GET1: variants seen among roughly 807,000 people sequenced by gnomAD.
The protein encoded by GET1 is congenital heart disease 5 protein.
Under a neutral mutation model 22.6 loss-of-function variants are expected in GET1, and 20 were observed. The observed-to-expected ratio is 0.89, with a 90% CI of 0.62 to 1.29. The LOEUF (loss-of-function observed/expected upper bound fraction) is 1.29, where lower values mean the gene tolerates loss of function less well. Ranked by LOEUF, GET1 falls within the 50% of genes most tolerant of loss-of-function variation. The pLI, the probability that GET1 is intolerant of heterozygous loss-of-function variation, is 0.00. For missense variants in GET1, 209 were observed against 219.9 expected, an observed-to-expected ratio of 0.95 and a Z score of 0.31; for synonymous variants, 92 against 83.8, an observed-to-expected ratio of 1.10 and a Z score of -0.53.
intron 1 of GET1, among the ~76,000 whole-genome samples, chr21:39,424,270 T>C (rs1397852224): frequency 1.3e-5 from 2 of 152,190 alleles, no homozygotes; most frequent in Non-Finnish European, 2.9e-5. Context: ...CTCCTTGGCC[T>C]CCCAAAGTGC....
chr21:39,416,982 CTG>C (rs1458690806), intron 1 of GET1, among the ~76,000 whole-genome samples: 1 of 152,206 alleles, frequency 6.6e-6, no homozygotes, highest in African/African-American at 2.4e-5. Context: ...AAAGGGCTAA[CTG>C]TATACACATT....
chr21:39,422,332 C>T (rs2073909188), intron 1 of GET1: 1 of 152,240 alleles, frequency 6.6e-6, no homozygotes, highest in Non-Finnish European at 1.5e-5. Context: ...GATATCAATG[C>T]CTTCTCCCAA....
At chr21:39,426,128 T>C (rs900608729) in intron 1 of GET1, 3 of 152,220 alleles carry the variant, frequency 2.0e-5, no homozygotes, top group African/African-American at 7.2e-5. Context: ...TATTCCCTTA[T>C]TCCCCAAACG....
At chr21:39,406,272 C>A (rs760935683) in exon 5 of GET1, 1 of 1,614,212 alleles carries the variant, frequency 6.2e-7, no homozygotes, top group African/African-American at 1.3e-5. Flanking sequence ...TGGCTGGCCC[C>A]CCTGAAGCAG....
chr21:39,406,589 A>G, exon 5 of GET1: 1 of 1,587,700 alleles, frequency 6.3e-7, no homozygotes, highest in South Asian at 1.2e-5. Flanking sequence ...TGGACTTCCA[A>G]ATGTTTCTCT....
chr21:39,392,874 A>G (rs1383684679), intron 3 of GET1: 3 of 307,162 alleles, frequency 9.8e-6, no homozygotes, highest in African/African-American at 2.1e-5. Flanking sequence ...GATTGTGTTC[A>G]TCCTAAAACA....
At chr21:39,412,555 G>A (rs2147236466) in intron 1 of GET1, among the ~76,000 whole-genome samples, 1 of 152,246 alleles carries the variant, frequency 6.6e-6, no homozygotes, top group South Asian at 2.1e-4. Context: ...TATGAAGTAA[G>A]GAGGAAGGAA....
chr21:39,417,556 A>C (rs985533054), intron 1 of GET1, among the ~76,000 whole-genome samples: 2 of 152,140 alleles, frequency 1.3e-5, no homozygotes, highest in East Asian at 3.9e-4. Flanking sequence ...GGATTGTATT[A>C]GTCCTTTTTC....
At chr21:39,422,973 G>A (rs372494952) in intron 1 of GET1, 9 of 1,612,612 alleles carry the variant, frequency 5.6e-6, no homozygotes, top group Non-Finnish European at 6.8e-6. Flanking sequence ...CTGAAATACA[G>A]ACCTGTATTT....
intron 4 of GET1, 133 bp from the exon 5 acceptor site, chr21:39,396,733 A>G: frequency 1.3e-6 from 1 of 750,980 alleles, no homozygotes. Context: ...CCTATGAAAC[A>G]TAAACTTCAC....
At chr21:39,415,377 A>AT (rs1158099063) in intron 1 of GET1, among the ~76,000 whole-genome samples, 1 of 152,134 alleles carries the variant, frequency 6.6e-6, no homozygotes, top group Admixed American at 6.5e-5. Context: ...TAAAATATAT[A>AT]AAAAAATAAA....
chr21:39,423,377 C>G (rs2074070136), intron 1 of GET1: 1 of 1,611,928 alleles, frequency 6.2e-7, no homozygotes, highest in African/African-American at 1.3e-5. Context: ...TGAAGCCTTG[C>G]TGAGAGTATT....
At chr21:39,394,075 A>G (rs193170307) in intron 4 of GET1, among the ~76,000 whole-genome samples, 17 of 152,180 alleles carry the variant, frequency 1.1e-4, no homozygotes, top group African/African-American at 4.1e-4. Context: ...CACGCCTGTA[A>G]TCCTAGCACT....
chr21:39,380,485 TC>T lies in GET1; in HGVS notation c.102del (p.Phe34LeufsTer16). The T allele has an allele frequency of 6.2e-7, 1 of 1,610,870 alleles. No homozygotes were observed. Among genetic ancestry groups the T allele is most frequent in the Non-Finnish European group, 8.5e-7 (1 of 1,178,468 alleles). ...LRILLPSFSS[F>X]MSRVLQKDAE... ...ATCCTCCTCCCGTCCTTCTCATCCT[TC>T]GTAAGTGGCTGCCTGGCCTCCCAAG... On this transcript the variant is annotated frameshift_variant and splice_region_variant, in exon 1 of 5. Coordinates refer to ENST00000649170, the MANE Select transcript of GET1 (RefSeq NM_004627.6). LOFTEE classifies it high-confidence loss of function.
At chr21:39,418,711 G>A (rs1194700275) in intron 1 of GET1, among the ~76,000 whole-genome samples, 1 of 151,818 alleles carries the variant, frequency 6.6e-6, no homozygotes, top group Non-Finnish European at 1.5e-5. Context: ...TGTTGGTCAG[G>A]CTGGTCTCGA....
chr21:39,380,532 C>T (rs1330119199), intron 1 of GET1, 46 bp downstream of exon 1: 2 of 1,579,810 alleles, frequency 1.3e-6, no homozygotes, highest in Non-Finnish European at 1.7e-6. Context: ...GATGCCGCCC[C>T]AGTCCCCCGG....
At chr21:39,399,315 C>G (rs1029128239), downstream of GET1, among the ~76,000 whole-genome samples, 6 of 151,828 alleles carry the variant, frequency 4.0e-5, no homozygotes, top group Non-Finnish European at 5.9e-5. Flanking sequence ...TTGGGAAGTA[C>G]AGAAAAGCAG....
chr21:39,387,885 T>C, intron 1 of GET1: 1 of 964,552 alleles, frequency 1.0e-6, no homozygotes, highest in Non-Finnish European at 1.2e-6. Flanking sequence ...GGGGGGGATC[T>C]GATTTATTGT....
At chr21:39,405,463 G>T (rs1964113864) in intron 4 of GET1, among the ~76,000 whole-genome samples, 1 of 152,086 alleles carries the variant, frequency 6.6e-6, no homozygotes, top group African/African-American at 2.4e-5. Flanking sequence ...TAAAATGCTG[G>T]GATTACAGGC....
Sources: allele counts gnomAD v4.1 joint callset (sites outside exome capture counted in the v4.1 genomes callset), GRCh38; gene constraint gnomAD v4.1.1; transcripts MANE v1.5; gene names NCBI Gene and HGNC (gene_info 2026-07-23, HGNC 2026-07-21).